Variants in TP53BP2 observed in about 807,000 individuals in gnomAD.
TP53BP2 encodes the protein tumor protein p53 binding protein 2.
TP53BP2 carries 62 observed loss-of-function variants against 126.2 expected under a neutral mutation model. That is an observed-to-expected ratio of 0.49 (90% CI 0.40 to 0.61). The LOEUF (loss-of-function observed/expected upper bound fraction) is 0.61, where lower values mean the gene tolerates loss of function less well. Among genes scored for constraint, TP53BP2 ranks in the 20% least tolerant of loss-of-function variants. The pLI is 0.00. For synonymous variants in TP53BP2, 485 were observed against 502.9 expected, an observed-to-expected ratio of 0.96 and a Z score of 0.48; for missense variants, 1,215 against 1,402.8, an observed-to-expected ratio of 0.87 and a Z score of 2.14.
chr1:223,832,402 CTG>C (rs761371170), intron 1 of TP53BP2, among the ~76,000 whole-genome samples: 17 of 152,302 alleles, frequency 1.1e-4, no homozygotes, highest in Non-Finnish European at 2.1e-4. Context: ...TGAATGGTTT[CTG>C]TGTTTCACAA....
chr1:223,811,097 G>C (rs1259453082), intron 3 of TP53BP2, among the ~76,000 whole-genome samples: 1 of 152,084 alleles, frequency 6.6e-6, no homozygotes, highest in Non-Finnish European at 1.5e-5. Flanking sequence ...GTTTAAGTTT[G>C]TGAAGGTACT....
In TP53BP2 at chr1:223,805,752, G is replaced by A. The variant is rs142219683; in HGVS notation, c.474+1094C>T. Among the ~76,000 whole-genome samples the A allele has an allele frequency of 6.0e-3, 916 of 152,292 alleles. 11 individuals are homozygous for A. The highest frequency in any genetic ancestry group is 0.019 in the African/African-American group (781 of 41,552). On this transcript the variant is annotated intron_variant, in intron 5 of 17. Transcript: ENST00000343537. ...TGGATCCTGGGTGTTTAGACCAGGG[G>A]TTGACAAACTATAGTCTGCAGGCCA...
At chr1:223,836,136 T>C (rs1185143690) in intron 1 of TP53BP2, among the ~76,000 whole-genome samples, 1 of 152,126 alleles carries the variant, frequency 6.6e-6, no homozygotes, top group African/African-American at 2.4e-5. Context: ...AAGAGATGGG[T>C]CAATTCCCAA....
chr1:223,824,324 T>G (rs1663416614), intron 1 of TP53BP2, among the ~76,000 whole-genome samples: 1 of 152,238 alleles, frequency 6.6e-6, no homozygotes, highest in Admixed American at 6.5e-5. Context: ...TATTTATGGT[T>G]ACTTTTCCCA....
At chr1:223,786,565 TGTGTGTGC>T (rs1349839057) in intron 16 of TP53BP2, among the ~76,000 whole-genome samples, 10 of 137,374 alleles carry the variant, frequency 7.3e-5, no homozygotes, top group Admixed American at 5.9e-4. Flanking sequence ...TATATATGTG[TGTGTGTGC>T]GTGTGTGCGT....
At chr1:223,788,967 G>A in intron 16 of TP53BP2, 41 bp downstream of exon 16, 2 of 1,584,038 alleles carry the variant, frequency 1.3e-6, no homozygotes. Context: ...CAGAATAAAT[G>A]AATGCAGTAA....
At chr1:223,817,643 A>T (rs115597041) in intron 2 of TP53BP2, among the ~76,000 whole-genome samples, 1,558 of 152,254 alleles carry the variant, frequency 0.01, 34 homozygotes, top group African/African-American at 0.036. Flanking sequence ...GTGATAATTT[A>T]AAAATAATGT....
At chr1:223,841,891 A>G (rs1348001637) in intron 1 of TP53BP2, among the ~76,000 whole-genome samples, 1 of 151,768 alleles carries the variant, frequency 6.6e-6, no homozygotes, top group East Asian at 1.9e-4. Context: ...GCTTTTTAAA[A>G]TAAGCCATTA....
chr1:223,790,609 CTT>C (rs35994805), intron 15 of TP53BP2, among the ~76,000 whole-genome samples: 46 of 137,066 alleles, frequency 3.4e-4, no homozygotes, highest in African/African-American at 4.7e-4. Context: ...TTCCAGATCA[CTT>C]TTTTTTTTTT....
intron 16 of TP53BP2, among the ~76,000 whole-genome samples, chr1:223,787,616 C>T (rs1414364200): frequency 1.3e-5 from 2 of 152,032 alleles, no homozygotes; most frequent in African/African-American, 4.8e-5. Flanking sequence ...GTGGCTCACA[C>T]CTGTAATGCC....
chr1:223,809,739 AAT>A (rs1662846215), intron 4 of TP53BP2, among the ~76,000 whole-genome samples: 1 of 152,206 alleles, frequency 6.6e-6, no homozygotes, highest in Non-Finnish European at 1.5e-5. Context: ...TGGCACTAAA[AAT>A]AGTGACCGCT....
At chr1:223,839,537 G>T (rs1664036299) in intron 1 of TP53BP2, among the ~76,000 whole-genome samples, 2 of 152,166 alleles carry the variant, frequency 1.3e-5, no homozygotes, top group African/African-American at 2.4e-5. Context: ...ATTCATTATG[G>T]TTTTCTACCA....
In TP53BP2 at chr1:223,779,985, G is replaced by A. The variant is rs1353278686; in HGVS notation, c.*868C>T. The A allele has an allele frequency of 6.6e-6, 1 of 152,200 alleles. No individual in the cohort carries two copies. Among genetic ancestry groups the A allele is most frequent in the African/African-American group, 2.4e-5 (1 of 41,446 alleles). The allele number at this position is 152,200 out of a possible 1,614,324, so 9.4% of individuals were successfully genotyped here. A position where few individuals can be genotyped will look rare whatever the true frequency, so the allele number is the denominator to read the frequency against. ...CTCTTATTACGATACATATACTTAT[G>A]TTAAGCAGTTTGTTCTTTTTCAGCT... is the stretch of plus-strand genomic sequence containing the variant. On this transcript the variant is annotated 3_prime_UTR_variant, in exon 18 of 18. Coordinates refer to ENST00000343537, the MANE Select transcript of TP53BP2 (RefSeq NM_001031685.3).
At chr1:223,825,957 G>C in intron 1 of TP53BP2, 1 of 152,400 alleles carries the variant, frequency 6.6e-6, no homozygotes, top group East Asian at 1.9e-4. Context: ...GGTGGAGGAA[G>C]GTGAAAAGTG....
At chr1:223,814,374 C>G (rs759763005) in intron 2 of TP53BP2, 21 bp from the exon 3 acceptor site, 1 of 1,519,768 alleles carries the variant, frequency 6.6e-7, no homozygotes, top group South Asian at 1.1e-5. Flanking sequence ...TGAGTAGAAA[C>G]CACATTATTT....
In TP53BP2 at chr1:223,838,424, AT is replaced by A. The variant is rs554746409; in HGVS notation, c.27+7229del. 2.4e-3 allele frequency among the ~76,000 whole-genome samples: 371 copies of A among 152,330 alleles called. 4 individuals carry two copies. Among genetic ancestry groups the A allele is most frequent in the African/African-American group, 8.6e-3 (359 of 41,580 alleles). On this transcript the variant is annotated intron_variant, in intron 1 of 17. Transcript: ENST00000343537. ...CCCCTAATCTATTTCCAACAAAGGT[AT>A]CTGACTACATTGAATTACTGCTCCC...
chr1:223,796,596 TG>T lies in TP53BP2; in HGVS notation c.1949-7del. 1 of 1,538,014 alleles carries T rather than the reference TG, an allele frequency of 6.5e-7. No individual in the cohort carries two copies. On this transcript the variant is annotated splice_region_variant and splice_polypyrimidine_tract_variant and intron_variant, in intron 12 of 17. Transcript: ENST00000343537. The surrounding 1 kb of genome is among the most constrained non-coding windows in gnomAD (Gnocchi z 4.2). Reference sequence around the variant, plus strand: ...AATTACAGGCTTACCATATACTAATTGGAAAAGGAAAAAAAAAAGCCCTCAT... The same window carrying T: ...AATTACAGGCTTACCATATACTAATTGAAAAGGAAAAAAAAAAGCCCTCAT...
chr1:223,840,777 T>C (rs992157097), intron 1 of TP53BP2, among the ~76,000 whole-genome samples: 4 of 152,250 alleles, frequency 2.6e-5, no homozygotes, highest in African/African-American at 9.6e-5. Flanking sequence ...TGACCCTCCA[T>C]GTGTCTTCCA....
chr1:223,802,366 CT>C, intron 8 of TP53BP2, 22 bp from the exon 9 acceptor site: 2 of 1,600,676 alleles, frequency 1.2e-6, no homozygotes, highest in South Asian at 2.2e-5. Flanking sequence ...AGCACAGGTC[CT>C]TTAGTATTAA....
Sources: allele counts gnomAD v4.1 joint callset (sites outside exome capture counted in the v4.1 genomes callset), GRCh38; gene constraint gnomAD v4.1.1; non-coding constraint Gnocchi (gnomAD v3.1); transcripts MANE v1.5; gene names NCBI Gene and HGNC (gene_info 2026-07-23, HGNC 2026-07-21).